The following LPP variants were observed in gnomAD, a reference collection of about 807,000 sequenced individuals.
LPP encodes the protein LIM domain containing preferred translocation partner in lipoma.
Under a neutral mutation model 60.4 loss-of-function variants are expected in LPP, and 38 were observed. The observed-to-expected ratio is 0.63, with a 90% CI of 0.49 to 0.83. LPP has a LOEUF of 0.83. Ranked by LOEUF, LPP falls within the 40% of genes least tolerant of loss-of-function variation. LPP has a pLI of 0.00. For synonymous variants in LPP, 328 were observed against 290.8 expected (o/e 1.13, Z -1.30); for missense variants, 902 against 783.6 (o/e 1.15, Z -1.80).
At chr3:188,782,760 G>T (rs896948613) in intron 9 of LPP, among the ~76,000 whole-genome samples, 2 of 150,956 alleles carry the variant, frequency 1.3e-5, no homozygotes, top group African/African-American at 4.9e-5. Context: ...ACAAAACACA[G>T]CCGGGCATAA....
At chr3:188,636,633 A>C (rs895934304) in intron 7 of LPP, among the ~76,000 whole-genome samples, 15 of 152,202 alleles carry the variant, frequency 9.9e-5, no homozygotes, top group Non-Finnish European at 1.9e-4. Flanking sequence ...AGACAGCAGT[A>C]ACCTCTGCAG....
Position 188,806,603 on chromosome 3 carries a change from T to C in LPP, c.1410+46321T>C, listed in dbSNP as rs1003695948. 2.6e-5 allele frequency among the ~76,000 whole-genome samples: 4 copies of C among 152,102 alleles called. No homozygotes were observed. In the East Asian group the frequency reaches 5.8e-4, roughly 22 times the overall value. ...AATCAGCTTTTGTTACTTTTCCATC[T>C]GCTATATTTTTCTCTTCCTGCCTTT... On this transcript the variant is annotated intron_variant, in intron 9 of 11. Coordinates refer to ENST00000617246, the MANE Select transcript of LPP (RefSeq NM_001375462.1).
At chr3:188,715,538 T>C (rs1012370880) in intron 8 of LPP, among the ~76,000 whole-genome samples, 6 of 152,062 alleles carry the variant, frequency 3.9e-5, no homozygotes, top group East Asian at 1.9e-4. Flanking sequence ...TCTCAGAAAA[T>C]TGGGACATCT....
At chr3:188,159,953 C>G (rs1577042464) in intron 1 of LPP, among the ~76,000 whole-genome samples, 1 of 152,184 alleles carries the variant, frequency 6.6e-6, no homozygotes, top group Non-Finnish European at 1.5e-5. Flanking sequence ...CACTTTGTCA[C>G]ACAAGCTGGA....
intron 4 of LPP, among the ~76,000 whole-genome samples, chr3:188,464,226 G>A (rs1799810759): frequency 6.6e-6 from 1 of 152,094 alleles, no homozygotes. Flanking sequence ...ATATTTTTTG[G>A]ATGGCTTAGG....
intron 5 of LPP, among the ~76,000 whole-genome samples, chr3:188,518,528 G>A (rs1202778294): frequency 6.6e-6 from 1 of 152,132 alleles, no homozygotes; most frequent in East Asian, 1.9e-4. Context: ...TTTCCATATG[G>A]GATCAGTGGT....
In LPP at chr3:188,485,814, A is replaced by AAAAAAAAAAAAAAAAAAAAAAAAAAAC. The variant is rs59334681; in HGVS notation, c.306+1110_306+1111insAAAAAAAAAAAAAAAAAAAAAAAAAAC. On this transcript the variant is annotated intron_variant, in intron 5 of 11. Transcript: ENST00000617246. The stretch of plus-strand genomic sequence containing the variant: ...TCCGTCTCAAAAAAAAAAAAAAAAA[A>AAAAAAAAAAAAAAAAAAAAAAAAAAAC]TGGAATGGTGTCTGGTAATTATTTT... Among the ~76,000 whole-genome samples, 2 of 145,578 alleles carry AAAAAAAAAAAAAAAAAAAAAAAAAAAC rather than the reference A, an allele frequency of 1.4e-5. 1 individual carries two copies. The highest frequency in any genetic ancestry group is 5.2e-5 in the African/African-American group (2 of 38,574).
intron 9 of LPP, among the ~76,000 whole-genome samples, chr3:188,801,746 G>A (rs1747352574): frequency 6.6e-6 from 1 of 152,024 alleles, no homozygotes; most frequent in South Asian, 2.1e-4. Flanking sequence ...ACTGCTCAGA[G>A]CTTCAGTTCT....
intron 6 of LPP, among the ~76,000 whole-genome samples, chr3:188,538,600 A>G (rs1373917704): frequency 3.9e-5 from 6 of 152,334 alleles, no homozygotes; most frequent in Admixed American, 3.3e-4. Flanking sequence ...GTAAAATGGC[A>G]TAGCCCTTTT....
chr3:188,232,919 T>G (rs1720596847), intron 2 of LPP, among the ~76,000 whole-genome samples: 1 of 151,710 alleles, frequency 6.6e-6, no homozygotes, highest in African/African-American at 2.4e-5. Flanking sequence ...AAGTACCTAT[T>G]GAGTGTGGTA....
At chr3:188,826,638 T>A (rs1414723349) in intron 9 of LPP, among the ~76,000 whole-genome samples, 3 of 152,102 alleles carry the variant, frequency 2.0e-5, no homozygotes, top group African/African-American at 7.2e-5. Flanking sequence ...TTTCTCTGCC[T>A]TGAATTCCCT....
At chr3:188,861,002 G>A (rs1226340792) in intron 9 of LPP, among the ~76,000 whole-genome samples, 1 of 152,210 alleles carries the variant, frequency 6.6e-6, no homozygotes, top group African/African-American at 2.4e-5. Flanking sequence ...GTCACTAGCT[G>A]TGTTCTCTAT....
chr3:188,832,595 CAAT>C (rs1321724843), intron 9 of LPP, among the ~76,000 whole-genome samples: 3 of 152,156 alleles, frequency 2.0e-5, no homozygotes, highest in Non-Finnish European at 4.4e-5. Flanking sequence ...AAACCTAATA[CAAT>C]AATACCCTTT....
intron 3 of LPP, among the ~76,000 whole-genome samples, chr3:188,390,074 T>C (rs115677947): frequency 0.012 from 1,775 of 152,320 alleles, 12 homozygotes; most frequent in South Asian, 0.028. Flanking sequence ...CATGAGATTC[T>C]GACTGTTATT....
chr3:188,809,394 C>T (rs1397460733), intron 9 of LPP, among the ~76,000 whole-genome samples: 3 of 152,050 alleles, frequency 2.0e-5, no homozygotes, highest in African/African-American at 7.2e-5. Context: ...CATGAGATGG[C>T]ATCTCATTGT....
At chr3:188,395,772 G>C (rs1449646341) in intron 3 of LPP, among the ~76,000 whole-genome samples, 1 of 152,014 alleles carries the variant, frequency 6.6e-6, no homozygotes, top group Non-Finnish European at 1.5e-5. Context: ...AAATTTGCCA[G>C]ACATTGTGGC....
chr3:188,790,821 C>CA (rs11433572), intron 9 of LPP, among the ~76,000 whole-genome samples: 65,120 of 146,326 alleles, frequency 0.45, 14,744 homozygotes, highest in Non-Finnish European at 0.5. Flanking sequence ...ACTCTGTCTC[C>CA]AAAAAAAAAA....
chr3:188,520,176 T>C (rs1818478483), intron 5 of LPP, among the ~76,000 whole-genome samples: 1 of 152,224 alleles, frequency 6.6e-6, no homozygotes, highest in South Asian at 2.1e-4. Flanking sequence ...ATTCAGATAA[T>C]GCATAAAAAT....
intron 5 of LPP, among the ~76,000 whole-genome samples, chr3:188,504,285 T>A (rs1170396630): frequency 6.6e-6 from 1 of 152,096 alleles, no homozygotes; most frequent in African/African-American, 2.4e-5. Context: ...AATTGCTTTT[T>A]TTTCTTTTTC....
Sources: gnomAD v4.1 joint callset for allele counts (sites outside exome capture counted in the v4.1 genomes callset) on GRCh38, gnomAD v4.1.1 for gene constraint, MANE v1.5 for transcripts, NCBI Gene and HGNC (gene_info 2026-07-23, HGNC 2026-07-21) for gene names.